The following ZNF804A variants were observed in gnomAD, a reference collection of about 807,000 sequenced individuals.
ZNF804A encodes zinc finger protein 804A.
In ZNF804A, 2 loss-of-function variants were observed where a neutral mutation model predicts 16.5. The observed-to-expected ratio is 0.12, with a 90% CI of 0.05 to 0.38. The LOEUF (loss-of-function observed/expected upper bound fraction) is 0.38. Among genes scored for constraint, ZNF804A ranks in the 10% least tolerant of loss-of-function variants. ZNF804A has a pLI of 0.99. For synonymous variants in ZNF804A, 534 were observed against 489.6 expected (o/e 1.09, Z -1.20); for missense variants, 1,473 against 1,390.7 (o/e 1.06, Z -0.94).
intron 1 of ZNF804A, among the ~76,000 whole-genome samples, chr2:184,679,211 A>G (rs966700843): frequency 2.0e-5 from 3 of 152,242 alleles, no homozygotes; most frequent in African/African-American, 7.2e-5. Context: ...TGTGCTATAG[A>G]TCACTGGGTT....
chr2:184,737,596 C>A lies in ZNF804A; in HGVS notation c.112-128773C>A, dbSNP rs988280436. ...TAAACATGACTTGCTGACCTATTTA[C>A]TTGATTTTAATTAATAAATATGTTT... On this transcript the variant is annotated intron_variant, in intron 1 of 3. Coordinates refer to ENST00000302277, the MANE Select transcript of ZNF804A (RefSeq NM_194250.2). Among the ~76,000 whole-genome samples, 8 of 152,018 alleles carry A rather than the reference C, an allele frequency of 5.3e-5. No homozygotes were observed. The East Asian group carries it at 1.2e-3, about 22-fold the overall frequency.
chr2:184,742,036 G>A (rs1362306030), intron 1 of ZNF804A, among the ~76,000 whole-genome samples: 1 of 151,634 alleles, frequency 6.6e-6, no homozygotes, highest in Non-Finnish European at 1.5e-5. Flanking sequence ...TTTATGTTTA[G>A]TTTTAGAAAT....
At chr2:184,863,097 C>A (rs1195422209) in intron 1 of ZNF804A, among the ~76,000 whole-genome samples, 1 of 151,986 alleles carries the variant, frequency 6.6e-6, no homozygotes, top group Non-Finnish European at 1.5e-5. Flanking sequence ...AAGATTGATC[C>A]TGAGTTCATA....
chr2:184,827,901 T>A (rs950395783), intron 1 of ZNF804A, among the ~76,000 whole-genome samples: 4 of 151,824 alleles, frequency 2.6e-5, no homozygotes, highest in Non-Finnish European at 4.4e-5. Context: ...AAAAAATTTT[T>A]GTTTCTTTCC....
chr2:184,670,363 C>T (rs1427405591), intron 1 of ZNF804A, among the ~76,000 whole-genome samples: 1 of 151,878 alleles, frequency 6.6e-6, no homozygotes, highest in African/African-American at 2.4e-5. Flanking sequence ...ATAGAGCTTC[C>T]CCATTATGCC....
At chr2:184,733,224 G>T (rs1693548724) in intron 1 of ZNF804A, among the ~76,000 whole-genome samples, 1 of 151,890 alleles carries the variant, frequency 6.6e-6, no homozygotes. Flanking sequence ...TATGTTTTAG[G>T]TTCTGTTATT....
At chr2:184,851,467 A>G (rs1409992811) in intron 1 of ZNF804A, among the ~76,000 whole-genome samples, 2 of 151,950 alleles carry the variant, frequency 1.3e-5, no homozygotes, top group Non-Finnish European at 2.9e-5. Context: ...ATTTCACTTA[A>G]CGTAATGTCC....
At chr2:184,933,555 A>G (rs927677737) in intron 2 of ZNF804A, 48 bp from the exon 3 acceptor site, 10 of 1,540,364 alleles carry the variant, frequency 6.5e-6, no homozygotes, top group Non-Finnish European at 8.7e-6. Context: ...CTTTAAAACT[A>G]CTATAGACCA....
At chr2:184,833,874 G>C (rs2105796882) in intron 1 of ZNF804A, among the ~76,000 whole-genome samples, 1 of 152,082 alleles carries the variant, frequency 6.6e-6, no homozygotes, top group African/African-American at 2.4e-5. Context: ...ACAGAACTTA[G>C]AGTATAAAAA....
At chr2:184,694,901 G>A (rs1197801901) in intron 1 of ZNF804A, among the ~76,000 whole-genome samples, 1 of 152,126 alleles carries the variant, frequency 6.6e-6, no homozygotes, top group Non-Finnish European at 1.5e-5. Flanking sequence ...TGATCTGTGG[G>A]GAAGTTCTGT....
chr2:184,726,579 C>A (rs1693413959), intron 1 of ZNF804A, among the ~76,000 whole-genome samples: 1 of 151,350 alleles, frequency 6.6e-6, no homozygotes, highest in African/African-American at 2.4e-5. Context: ...TTCAAATTGT[C>A]ATGAGAAAAT....
chr2:184,929,955 G>A (rs956883323), intron 2 of ZNF804A, among the ~76,000 whole-genome samples: 1 of 152,078 alleles, frequency 6.6e-6, no homozygotes, highest in African/African-American at 2.4e-5. Flanking sequence ...AATCCAACCA[G>A]TGATTGCTGT....
At chr2:184,730,063 G>C (rs145392735) in intron 1 of ZNF804A, among the ~76,000 whole-genome samples, 16 of 152,124 alleles carry the variant, frequency 1.1e-4, no homozygotes, top group Non-Finnish European at 2.1e-4. Context: ...GCCATTACCT[G>C]AACAAACTCC....
intron 1 of ZNF804A, among the ~76,000 whole-genome samples, chr2:184,847,172 C>T (rs148570014): frequency 3.3e-5 from 5 of 152,062 alleles, no homozygotes; most frequent in African/African-American, 7.2e-5. Flanking sequence ...CAATTTAGCT[C>T]GCCAGAGGAA....
chr2:184,789,629 G>A (rs1317915723), intron 1 of ZNF804A, among the ~76,000 whole-genome samples: 1 of 152,006 alleles, frequency 6.6e-6, no homozygotes, highest in Non-Finnish European at 1.5e-5. Context: ...GCACAGAGGT[G>A]TTCATAGAAA....
chr2:184,694,199 T>C (rs1266017037), intron 1 of ZNF804A, among the ~76,000 whole-genome samples: 1 of 151,172 alleles, frequency 6.6e-6, no homozygotes. Flanking sequence ...TCCACCTACC[T>C]TGGCCTCCAG....
intron 1 of ZNF804A, among the ~76,000 whole-genome samples, chr2:184,840,478 G>A (rs1022240802): frequency 1.3e-5 from 2 of 152,018 alleles, no homozygotes; most frequent in Non-Finnish European, 2.9e-5. Flanking sequence ...TGTTTCCAGT[G>A]TTCAAGAAAT....
intron 1 of ZNF804A, among the ~76,000 whole-genome samples, chr2:184,670,146 C>A (rs1692319987): frequency 6.6e-6 from 1 of 151,956 alleles, no homozygotes. Flanking sequence ...CTTTTGTCAG[C>A]CTAATTGCTA....
At chr2:184,811,929 T>A (rs559924257) in intron 1 of ZNF804A, among the ~76,000 whole-genome samples, 2 of 152,286 alleles carry the variant, frequency 1.3e-5, no homozygotes, top group African/African-American at 4.8e-5. Flanking sequence ...GTTATTATTT[T>A]AGAAAAGGTG....
Sources: gnomAD v4.1 joint callset for allele counts (sites outside exome capture counted in the v4.1 genomes callset) on GRCh38, gnomAD v4.1.1 for gene constraint, MANE v1.5 for transcripts, NCBI Gene and HGNC (gene_info 2026-07-23, HGNC 2026-07-21) for gene names.